MYO1D: variants seen among roughly 807,000 people sequenced by gnomAD.
The protein encoded by MYO1D is myosin ID, also known as unconventional myosin-Id.
Under a neutral mutation model 122.0 loss-of-function variants are expected in MYO1D, and 83 were observed. The ratio of observed to expected loss-of-function variants is 0.68; its 90% CI spans 0.57 to 0.82. The LOEUF is 0.82. Ranked by LOEUF, MYO1D falls within the 40% of genes least tolerant of loss-of-function variation. MYO1D has a pLI of 0.00. For missense variants in MYO1D, 1,157 were observed against 1,269.5 expected, an observed-to-expected ratio of 0.91 and a Z score of 1.35; for synonymous variants, 464 against 446.9, an observed-to-expected ratio of 1.04 and a Z score of -0.48.
chr17:32,700,629 T>TAAAGA (rs71305256), intron 16 of MYO1D, among the ~76,000 whole-genome samples: 6 of 151,636 alleles, frequency 4.0e-5, no homozygotes, highest in Admixed American at 2.0e-4. Context: ...TTGATGAAGA[T>TAAAGA]AAAAAAATTA....
chr17:32,613,789 CAAAAAA>C (rs60701225), intron 20 of MYO1D, among the ~76,000 whole-genome samples: 14 of 51,042 alleles, frequency 2.7e-4, no homozygotes, highest in African/African-American at 4.0e-4. Context: ...GATTCCATCT[CAAAAAA>C]AAAAAAAAAA....
intron 21 of MYO1D, among the ~76,000 whole-genome samples, chr17:32,569,362 C>G (rs910066891): frequency 3.9e-5 from 6 of 152,240 alleles, no homozygotes; most frequent in African/African-American, 1.4e-4. Flanking sequence ...TGCAGGTGCA[C>G]TGGGCCCAAG....
At chr17:32,700,885 A>G (rs1433733284) in intron 16 of MYO1D, among the ~76,000 whole-genome samples, 1 of 150,378 alleles carries the variant, frequency 6.6e-6, no homozygotes, top group African/African-American at 2.4e-5. Flanking sequence ...TGGAGGTTGC[A>G]GTGAGCTGAG....
chr17:32,660,927 T>C (rs2088556390), intron 16 of MYO1D, among the ~76,000 whole-genome samples: 1 of 152,220 alleles, frequency 6.6e-6, no homozygotes, highest in Non-Finnish European at 1.5e-5. Flanking sequence ...AAAACACATT[T>C]TTAAGTTTCC....
intron 1 of MYO1D, among the ~76,000 whole-genome samples, chr17:32,819,214 T>C (rs1046693859): frequency 3.3e-5 from 5 of 152,102 alleles, no homozygotes; most frequent in African/African-American, 1.2e-4. Flanking sequence ...AAGTTTTTTT[T>C]TTTTTTTCGG....
intron 21 of MYO1D, among the ~76,000 whole-genome samples, chr17:32,556,295 C>T (rs1189940020): frequency 6.6e-6 from 1 of 152,174 alleles, no homozygotes; most frequent in Non-Finnish European, 1.5e-5. Flanking sequence ...ACAGCTGTTG[C>T]CTGCCATGGA....
intron 1 of MYO1D, among the ~76,000 whole-genome samples, chr17:32,799,665 C>CA (rs557104997): frequency 0.055 from 7,396 of 134,740 alleles, 561 homozygotes; most frequent in African/African-American, 0.18. Flanking sequence ...AGAGCAAAAC[C>CA]AAAAAAAAAA....
chr17:32,834,155 T>C (rs1328693948), intron 1 of MYO1D, among the ~76,000 whole-genome samples: 1 of 152,208 alleles, frequency 6.6e-6, no homozygotes, highest in African/African-American at 2.4e-5. Context: ...CTCCGAAATG[T>C]AATAATACCT....
At chr17:32,590,450 T>C (rs2087429450) in intron 21 of MYO1D, among the ~76,000 whole-genome samples, 1 of 152,198 alleles carries the variant, frequency 6.6e-6, no homozygotes, top group Admixed American at 6.5e-5. Flanking sequence ...TTACAGTACA[T>C]ACCAGGCAGT....
intron 17 of MYO1D, among the ~76,000 whole-genome samples, chr17:32,657,970 T>A (rs1389784566): frequency 1.3e-5 from 2 of 152,156 alleles, no homozygotes; most frequent in African/African-American, 2.4e-5. Flanking sequence ...ATACATATAA[T>A]CTTATCTGTG....
intron 1 of MYO1D, among the ~76,000 whole-genome samples, chr17:32,789,479 A>G (rs927685531): frequency 1.6e-4 from 25 of 152,256 alleles, no homozygotes; most frequent in Non-Finnish European, 2.9e-4. Context: ...AAACATCAAT[A>G]AACAGTGTTA....
chr17:32,654,035 A>G, intron 18 of MYO1D, 88 bp from the exon 19 acceptor site: 1 of 1,006,762 alleles, frequency 9.9e-7, no homozygotes, highest in Non-Finnish European at 1.5e-6. Context: ...TTATAACTAC[A>G]CTTATATAGT....
chr17:32,737,814 T>C (rs1334758168), intron 14 of MYO1D, among the ~76,000 whole-genome samples: 2 of 152,222 alleles, frequency 1.3e-5, no homozygotes, highest in Admixed American at 1.3e-4. Context: ...AGGACAATAC[T>C]TGCATCCTAA....
intron 16 of MYO1D, chr17:32,686,193 G>T (rs1333512998): frequency 6.6e-6 from 1 of 152,156 alleles, no homozygotes; most frequent in Non-Finnish European, 1.5e-5. Context: ...TAAGGATTTT[G>T]AGATGGGCAG....
rs2090890607 is a variant in MYO1D, at chr17:32,842,330, AAGTT to A, written c.95+34444_95+34447del. On this transcript the variant is annotated intron_variant, in intron 1 of 21. Coordinates refer to ENST00000318217, the MANE Select transcript of MYO1D (RefSeq NM_015194.3). Reference sequence around the variant, plus strand: ...CAAGAACACAGGGGATGTGAAGCGTAAGTTACTGCAAGGTTTCCGAGACAGTTAA... The same window carrying A: ...CAAGAACACAGGGGATGTGAAGCGTAACTGCAAGGTTTCCGAGACAGTTAA... 3.9e-5 allele frequency among the ~76,000 whole-genome samples: 6 copies of A among 152,160 alleles called. No homozygotes were observed. In the South Asian group the frequency reaches 1.2e-3, roughly 32 times the overall value.
intron 1 of MYO1D, among the ~76,000 whole-genome samples, chr17:32,784,595 T>A (rs534083155): frequency 5.9e-5 from 9 of 152,342 alleles, no homozygotes; most frequent in African/African-American, 1.7e-4. Flanking sequence ...TAAAAAGTTC[T>A]GAATTAGTGA....
chr17:32,864,126 AT>A (rs1443565439), intron 1 of MYO1D, among the ~76,000 whole-genome samples: 2 of 138,492 alleles, frequency 1.4e-5, no homozygotes, highest in East Asian at 4.3e-4. Flanking sequence ...ATGTGATAGC[AT>A]TTTTTCCCAA....
chr17:32,494,876 T>C lies in MYO1D; in HGVS notation c.2904A>G (p.Val968=). 6.2e-7 allele frequency: 1 copy of C among 1,612,314 alleles called. No individual in the cohort carries two copies. Among genetic ancestry groups the C allele is most frequent in the Non-Finnish European group, 8.5e-7 (1 of 1,178,920 alleles). ...ACTTCTTCCCGTGCAGGCTGCACTG[T>C]ACTGGGTTGGTGACGTTCACTTGAA... ...RHLQVNVTNP[V]QCSLHGKKCT... is the part of the protein sequence containing the mutation. Residue 968 remains valine (V), a synonymous_variant, in exon 22 of 22, where the codon GTA becomes GTG. Coordinates refer to ENST00000318217, the MANE Select transcript of MYO1D (RefSeq NM_015194.3).
chr17:32,868,571 A>C (rs1200321983), intron 1 of MYO1D, among the ~76,000 whole-genome samples: 1 of 152,172 alleles, frequency 6.6e-6, no homozygotes, highest in Non-Finnish European at 1.5e-5. Flanking sequence ...AGAGATGAAA[A>C]TATCTAGCTC....
Sources: allele counts gnomAD v4.1 joint callset (sites outside exome capture counted in the v4.1 genomes callset), GRCh38; gene constraint gnomAD v4.1.1; transcripts MANE v1.5; gene names NCBI Gene and HGNC (gene_info 2026-07-23, HGNC 2026-07-21).